The following CATSPERB variants were observed in gnomAD, a reference collection of about 807,000 sequenced individuals.
CATSPERB encodes cation channel sperm-associated auxiliary subunit beta.
In CATSPERB, 93 loss-of-function variants were observed where a neutral mutation model predicts 128.3. The ratio of observed to expected loss-of-function variants is 0.72; its 90% confidence interval spans 0.61 to 0.86. The LOEUF (loss-of-function observed/expected upper bound fraction) is 0.86. CATSPERB is among the 40% of genes least tolerant of loss of function. The pLI, the probability that CATSPERB is intolerant of heterozygous loss-of-function variation, is 0.00. For missense variants in CATSPERB, 1,153 were observed against 1,329.5 expected, an observed-to-expected ratio of 0.87 and a Z score of 2.06; for synonymous variants, 381 against 448.8, an observed-to-expected ratio of 0.85 and a Z score of 1.91.
Position 91,677,818 on chromosome 14 carries a change from A to T in CATSPERB, c.932-3596T>A, listed in dbSNP as rs558065584. On this transcript the variant is annotated intron_variant, in intron 11 of 26. Transcript: ENST00000256343. ...CTAGTTACAATAGCAAAGACATGCA[A>T]CCAACCCAAATACCCATCAATGGTA... Among the ~76,000 whole-genome samples the T allele has an allele frequency of 3.9e-5, 6 of 152,332 alleles. No individual in the cohort carries two copies. In the East Asian group the frequency reaches 1.2e-3, roughly 29 times the overall value.
intron 15 of CATSPERB, among the ~76,000 whole-genome samples, chr14:91,641,584 C>A (rs1288324089): frequency 6.1e-5 from 9 of 147,608 alleles, no homozygotes; most frequent in African/African-American, 2.2e-4. Context: ...GTTTTGGTAC[C>A]AGTACCATGC....
At chr14:91,677,027 A>G (rs1002150835) in intron 11 of CATSPERB, among the ~76,000 whole-genome samples, 4 of 152,190 alleles carry the variant, frequency 2.6e-5, no homozygotes, top group African/African-American at 4.8e-5. Context: ...CATATGCAGA[A>G]AACTGAAACT....
intron 14 of CATSPERB, 133 bp from the exon 15 acceptor site, chr14:91,660,114 TCTCACACACACACA>T: frequency 2.8e-6 from 1 of 352,072 alleles, no homozygotes; most frequent in Non-Finnish European, 4.9e-6. Flanking sequence ...TCTCTCTCTC[TCTCACACACACACA>T]CACACACACA....
In CATSPERB at chr14:91,635,774, AAGAT is replaced by A. The variant is rs1894362852; in HGVS notation, c.1742+647_1742+650del. 2.6e-5 allele frequency: 4 copies of A among 152,342 alleles called. No individual in the cohort carries two copies. In the South Asian group the frequency reaches 8.3e-4, roughly 32 times the overall value. The allele number at this position is 152,342 out of a possible 1,614,324, so 9.4% of individuals were successfully genotyped here. A position where few individuals can be genotyped will look rare whatever the true frequency, so the allele number is the denominator to read the frequency against. ...TATTGTTCAATGCAATATTTCATAA[AAGAT>A]AGCCTCCACTACATTAAATGTGTTG... is the stretch of plus-strand genomic sequence containing the variant. On this transcript the variant is annotated intron_variant, in intron 17 of 26. Coordinates refer to ENST00000256343, the MANE Select transcript of CATSPERB (RefSeq NM_024764.4).
chr14:91,705,197 T>C lies in CATSPERB; in HGVS notation c.467-496A>G, dbSNP rs79800325. On this transcript the variant is annotated intron_variant, in intron 6 of 26. Transcript: ENST00000256343. Reference sequence around the variant, plus strand: ...ACTGAGAGGGATTTCTGGAAGGTAGTTGAAAAATACTATTTGCCACAGGAT... The same window carrying C: ...ACTGAGAGGGATTTCTGGAAGGTAGCTGAAAAATACTATTTGCCACAGGAT... Among the ~76,000 whole-genome samples the C allele has an allele frequency of 1.5e-3, 230 of 151,106 alleles. 7 individuals carry two copies. The East Asian group carries it at 0.038, about 25-fold the overall frequency.
intron 14 of CATSPERB, among the ~76,000 whole-genome samples, chr14:91,663,462 G>A (rs947515523): frequency 1.3e-5 from 2 of 152,024 alleles, no homozygotes; most frequent in Non-Finnish European, 2.9e-5. Context: ...TGGCTAACGC[G>A]GTGAAACCCT....
intron 15 of CATSPERB, among the ~76,000 whole-genome samples, chr14:91,649,443 C>G (rs894404298): frequency 1.3e-5 from 2 of 151,758 alleles, no homozygotes; most frequent in African/African-American, 4.8e-5. Context: ...TCTGGAATTA[C>G]AAGCATGAGC....
chr14:91,608,209 A>C (rs573082530), intron 22 of CATSPERB, 85 bp downstream of exon 22: 1 of 832,128 alleles, frequency 1.2e-6, no homozygotes, highest in Admixed American at 2.2e-5. Context: ...CTTCTCATTT[A>C]ACACTTATAG....
chr14:91,707,347 A>G (rs2063344), intron 6 of CATSPERB, among the ~76,000 whole-genome samples: 96,392 of 152,024 alleles, frequency 0.63, 30,894 homozygotes, highest in Non-Finnish European at 0.66. Context: ...AATTGATATA[A>G]CAATTTTATA....
chr14:91,629,805 G>A (rs189638285), intron 17 of CATSPERB, among the ~76,000 whole-genome samples: 2 of 152,134 alleles, frequency 1.3e-5, no homozygotes, highest in African/African-American at 4.8e-5. Context: ...TTGCACATGG[G>A]GGGTGATTAA....
Position 91,700,542 on chromosome 14 carries a change from C to A in CATSPERB, c.616+4010G>T, listed in dbSNP as rs190951968. On this transcript the variant is annotated intron_variant, in intron 7 of 26. Transcript: ENST00000256343. ...GGCTGTGAATTCATCTGGTCCAGGGCTTTTTTTTGTTCATAGGTTGTAAAG... is the reference window on the plus strand; with the variant it reads ...GGCTGTGAATTCATCTGGTCCAGGGATTTTTTTTGTTCATAGGTTGTAAAG... Among the ~76,000 whole-genome samples the A allele has an allele frequency of 6.2e-3, 933 of 151,698 alleles. 8 individuals are homozygous for A. Among genetic ancestry groups the A allele is most frequent in the Middle Eastern group, 0.058 (17 of 294 alleles).
chr14:91,678,198 C>A (rs961746316), intron 11 of CATSPERB, among the ~76,000 whole-genome samples: 1 of 151,812 alleles, frequency 6.6e-6, no homozygotes, highest in Non-Finnish European at 1.5e-5. Flanking sequence ...ACCTATGTAA[C>A]GAGCCTACAC....
At chr14:91,656,898 C>G (rs1005117259) in intron 15 of CATSPERB, among the ~76,000 whole-genome samples, 1 of 151,846 alleles carries the variant, frequency 6.6e-6, no homozygotes, top group Admixed American at 6.6e-5. Flanking sequence ...AAGACAAAAA[C>G]TATAGAAAGA....
At chr14:91,648,294 A>T (rs544607770) in intron 15 of CATSPERB, among the ~76,000 whole-genome samples, 1 of 152,212 alleles carries the variant, frequency 6.6e-6, no homozygotes, top group Non-Finnish European at 1.5e-5. Flanking sequence ...TTTTAATGGC[A>T]TGATGAAATT....
At chr14:91,683,279 G>A (rs987371960) in intron 11 of CATSPERB, among the ~76,000 whole-genome samples, 1 of 152,088 alleles carries the variant, frequency 6.6e-6, no homozygotes, top group African/African-American at 2.4e-5. Flanking sequence ...ATTCCATTCT[G>A]GTACCTCCTA....
chr14:91,708,239 G>A lies in CATSPERB; in HGVS notation c.371-3C>T. On this transcript the variant is annotated splice_region_variant and splice_polypyrimidine_tract_variant and intron_variant, in intron 5 of 26. Transcript: ENST00000256343. ...CCATTCTTCTACAGCTGCAATATCT[G>A]TTTGAAAACAAAAGGCAAATAATCA... 2 of 1,577,286 alleles carry A rather than the reference G, an allele frequency of 1.3e-6. No individual in the cohort carries two copies.
intron 23 of CATSPERB, 35 bp downstream of exon 23, chr14:91,591,857 G>T: frequency 7.3e-7 from 1 of 1,367,668 alleles, no homozygotes; most frequent in Non-Finnish European, 1.0e-6. Flanking sequence ...TAATAAGAAA[G>T]TATCCTGTAT....
intron 26 of CATSPERB, among the ~76,000 whole-genome samples, chr14:91,586,616 G>T (rs1473220747): frequency 8.2e-5 from 12 of 145,492 alleles, no homozygotes; most frequent in Non-Finnish European, 9.0e-5. Flanking sequence ...TGTAACATCA[G>T]CATTTGACAA....
chr14:91,688,960 G>A (rs78734342), intron 10 of CATSPERB, among the ~76,000 whole-genome samples: 2 of 152,304 alleles, frequency 1.3e-5, no homozygotes, highest in East Asian at 3.9e-4. Flanking sequence ...AGAATGCCAG[G>A]CTACCTTAAG....
Sources: allele counts gnomAD v4.1 joint callset (sites outside exome capture counted in the v4.1 genomes callset), GRCh38; gene constraint gnomAD v4.1.1; transcripts MANE v1.5; gene names NCBI Gene and HGNC (gene_info 2026-07-23, HGNC 2026-07-21).